Variants in COX7B2 observed in about 807,000 individuals in gnomAD.
COX7B2 encodes cytochrome c oxidase subunit 7B2.
For missense variants in COX7B2, 109 were observed against 95.9 expected (o/e 1.14, Z -0.57); for synonymous variants, 37 against 32.1 (o/e 1.15, Z -0.51).
intron 2 of COX7B2, among the ~76,000 whole-genome samples, chr4:46,809,114 C>G (rs1335376895): frequency 2.0e-5 from 3 of 151,636 alleles, no homozygotes; most frequent in Non-Finnish European, 4.4e-5. Context: ...TTTAATTGTT[C>G]GTAATAGTTC....
At chr4:46,836,366 A>G (rs935565162) in intron 2 of COX7B2, among the ~76,000 whole-genome samples, 2 of 151,246 alleles carry the variant, frequency 1.3e-5, no homozygotes, top group Admixed American at 1.3e-4. Flanking sequence ...TTTTTTTTAT[A>G]TTTTTTTAAA....
intron 2 of COX7B2, among the ~76,000 whole-genome samples, chr4:46,821,769 G>T (rs1198777703): frequency 6.6e-6 from 1 of 152,144 alleles, no homozygotes; most frequent in Non-Finnish European, 1.5e-5. Flanking sequence ...AAATGTTATG[G>T]AGTCTCTGCT....
intron 1 of COX7B2, among the ~76,000 whole-genome samples, chr4:46,889,816 A>G (rs1719317931): frequency 6.6e-6 from 1 of 152,138 alleles, no homozygotes; most frequent in Non-Finnish European, 1.5e-5. Context: ...ACACTCTGAA[A>G]CTGATATGAA....
At chr4:46,765,244 A>T (rs1476661255) in intron 2 of COX7B2, among the ~76,000 whole-genome samples, 2 of 152,142 alleles carry the variant, frequency 1.3e-5, no homozygotes, top group East Asian at 3.9e-4. Context: ...CACTGAAGAG[A>T]GTAGGAAAAA....
intron 2 of COX7B2, among the ~76,000 whole-genome samples, chr4:46,754,515 A>T: frequency 9.7e-6 from 1 of 103,512 alleles, no homozygotes; most frequent in South Asian, 3.5e-4. Flanking sequence ...CTGAACAATG[A>T]GAACACTTGG....
At chr4:46,871,001 C>T (rs1448712029) in intron 1 of COX7B2, among the ~76,000 whole-genome samples, 1 of 151,816 alleles carries the variant, frequency 6.6e-6, no homozygotes, top group Non-Finnish European at 1.5e-5. Flanking sequence ...TTTTAAAATT[C>T]CTATGGAACC....
chr4:46,868,801 G>A (rs1445255223), intron 1 of COX7B2, among the ~76,000 whole-genome samples: 1 of 152,088 alleles, frequency 6.6e-6, no homozygotes, highest in Non-Finnish European at 1.5e-5. Flanking sequence ...TATGTGGTCG[G>A]TTTTAGAGTA....
At chr4:46,772,017 A>G (rs1716906355) in intron 2 of COX7B2, among the ~76,000 whole-genome samples, 1 of 152,150 alleles carries the variant, frequency 6.6e-6, no homozygotes, top group Non-Finnish European at 1.5e-5. Flanking sequence ...ACTATTCACA[A>G]CATGCAAGAT....
chr4:46,819,696 G>A (rs1714139941), intron 2 of COX7B2, among the ~76,000 whole-genome samples: 1 of 152,192 alleles, frequency 6.6e-6, no homozygotes, highest in African/African-American at 2.4e-5. Context: ...TATATTATTT[G>A]TGTTAAAGTA....
intron 2 of COX7B2, among the ~76,000 whole-genome samples, chr4:46,746,913 G>A (rs1484521566): frequency 6.6e-6 from 1 of 152,080 alleles, no homozygotes. Flanking sequence ...AAAAATAATG[G>A]ATAAGAATGA....
intron 2 of COX7B2, among the ~76,000 whole-genome samples, chr4:46,757,617 G>A (rs1715881312): frequency 6.6e-6 from 1 of 151,884 alleles, no homozygotes; most frequent in Non-Finnish European, 1.5e-5. Context: ...GAGCCAAACT[G>A]TTCCCCATAC....
chr4:46,762,137 A>G (rs1577674781), intron 2 of COX7B2, among the ~76,000 whole-genome samples: 1 of 105,726 alleles, frequency 9.5e-6, no homozygotes, highest in East Asian at 3.2e-4. Flanking sequence ...TTTCATATGT[A>G]TATGAAGATA....
chr4:46,901,702 G>A (rs1290486588), intron 1 of COX7B2, among the ~76,000 whole-genome samples: 1 of 152,142 alleles, frequency 6.6e-6, no homozygotes, highest in East Asian at 1.9e-4. Flanking sequence ...AATCTATTGG[G>A]GGTCCAACAG....
intron 2 of COX7B2, among the ~76,000 whole-genome samples, chr4:46,762,355 T>C (rs1716226734): frequency 7.3e-6 from 1 of 136,096 alleles, no homozygotes; most frequent in Non-Finnish European, 1.5e-5. Flanking sequence ...TTATATATAC[T>C]ATACATGTAT....
chr4:46,822,452 CTATT>C (rs1449264440), intron 2 of COX7B2, among the ~76,000 whole-genome samples: 1 of 152,064 alleles, frequency 6.6e-6, no homozygotes, highest in Admixed American at 6.5e-5. Flanking sequence ...AGAGAAGTAT[CTATT>C]TGTTGATTTT....
intron 2 of COX7B2, among the ~76,000 whole-genome samples, chr4:46,784,210 A>G (rs1717630030): frequency 6.6e-6 from 1 of 152,230 alleles, no homozygotes; most frequent in African/African-American, 2.4e-5. Flanking sequence ...AAAACATACA[A>G]TGAGTAGACA....
At chr4:46,752,075 GT>G (rs1251077024) in intron 2 of COX7B2, among the ~76,000 whole-genome samples, 1 of 151,912 alleles carries the variant, frequency 6.6e-6, no homozygotes, top group African/African-American at 2.4e-5. Flanking sequence ...CCATTTTTTT[GT>G]GTCCTCTTTT....
intron 1 of COX7B2, among the ~76,000 whole-genome samples, chr4:46,846,893 G>C (rs1716315708): frequency 6.6e-6 from 1 of 152,010 alleles, no homozygotes; most frequent in South Asian, 2.1e-4. Flanking sequence ...CTGGCATTTA[G>C]TGAGGCTAGA....
chr4:46,867,923 T>C (rs138250232), intron 1 of COX7B2, among the ~76,000 whole-genome samples: 1 of 152,296 alleles, frequency 6.6e-6, no homozygotes, highest in African/African-American at 2.4e-5. Context: ...TCCTCCTCAG[T>C]TTTCTGGAAT....
Sources: gnomAD v4.1 joint callset for allele counts (sites outside exome capture counted in the v4.1 genomes callset) on GRCh38, gnomAD v4.1.1 for gene constraint, MANE v1.5 for transcripts, NCBI Gene and HGNC (gene_info 2026-07-23, HGNC 2026-07-21) for gene names.